Variants in CACNA2D4 observed in about 807,000 individuals in gnomAD.
CACNA2D4 encodes calcium voltage-gated channel auxiliary subunit alpha2delta 4, also known as voltage-dependent calcium channel subunit alpha-2/delta-4.
Under a neutral mutation model 163.8 loss-of-function variants are expected in CACNA2D4, and 157 were observed. That is an observed-to-expected ratio of 0.96 (90% confidence interval 0.84 to 1.09). The LOEUF is 1.09. Among genes scored for constraint, CACNA2D4 ranks in the 50% least tolerant of loss-of-function variants. The pLI, the probability that CACNA2D4 is intolerant of heterozygous loss-of-function variation, is 0.00. For synonymous variants in CACNA2D4, 598 were observed against 586.9 expected (o/e 1.02, Z -0.27); for missense variants, 1,410 against 1,479.9 (o/e 0.95, Z 0.78).
intron 25 of CACNA2D4, among the ~76,000 whole-genome samples, chr12:1,841,038 C>T (rs1357946573): frequency 6.6e-6 from 1 of 152,234 alleles, no homozygotes; most frequent in Non-Finnish European, 1.5e-5. Context: ...GGCCTCTGGC[C>T]GCCAGCACAG....
intron 23 of CACNA2D4, among the ~76,000 whole-genome samples, chr12:1,847,450 T>C (rs879465835): frequency 1.3e-5 from 2 of 152,164 alleles, no homozygotes; most frequent in Non-Finnish European, 2.9e-5. Context: ...GTCTTCCTCA[T>C]GGATAGACCT....
chr12:1,807,110 G>T (rs1197081333), intron 29 of CACNA2D4, among the ~76,000 whole-genome samples: 4 of 151,826 alleles, frequency 2.6e-5, no homozygotes, highest in Admixed American at 1.3e-4. Flanking sequence ...AAAGTGATGG[G>T]GTGTCGCTTC....
At chr12:1,897,052 C>T (rs993636772) in intron 6 of CACNA2D4, among the ~76,000 whole-genome samples, 23 of 132,446 alleles carry the variant, frequency 1.7e-4, no homozygotes, top group African/African-American at 6.6e-4. Context: ...AACACTGGGC[C>T]GGGAGCGGTG....
At chr12:1,916,209 G>C (rs1866973216) in intron 1 of CACNA2D4, among the ~76,000 whole-genome samples, 1 of 152,152 alleles carries the variant, frequency 6.6e-6, no homozygotes, top group Admixed American at 6.5e-5. Flanking sequence ...AAGGGCAGGG[G>C]GAATGAGCTG....
At chr12:1,871,793 C>T (rs1469275571) in intron 18 of CACNA2D4, among the ~76,000 whole-genome samples, 2 of 152,164 alleles carry the variant, frequency 1.3e-5, no homozygotes, top group African/African-American at 4.8e-5. Flanking sequence ...CATATTCATG[C>T]GTGGACTCCA....
At chr12:1,830,999 G>A (rs747021959) in intron 26 of CACNA2D4, 3 of 1,613,968 alleles carry the variant, frequency 1.9e-6, no homozygotes, top group Non-Finnish European at 2.5e-6. Flanking sequence ...TCTCCTGCAA[G>A]TGTGACAGCC....
intron 29 of CACNA2D4, chr12:1,809,583 A>G: frequency 1.4e-6 from 1 of 701,528 alleles, no homozygotes; most frequent in Non-Finnish European, 2.6e-6. Context: ...GGAATAATCC[A>G]TTTTGAGGCC....
At chr12:1,804,940 T>G (rs1022057196) in intron 29 of CACNA2D4, among the ~76,000 whole-genome samples, 1 of 152,248 alleles carries the variant, frequency 6.6e-6, no homozygotes, top group Non-Finnish European at 1.5e-5. Flanking sequence ...TCTTTTGAAC[T>G]TTGTCAGGGC....
rs532296960 is a variant in CACNA2D4 at position 1,848,849 on chromosome 12, C to T, written c.2247-2160G>A. Among the ~76,000 whole-genome samples, 5 of 152,192 alleles carry T rather than the reference C, an allele frequency of 3.3e-5. No homozygotes were observed. The East Asian group carries it at 9.6e-4, about 29-fold the overall frequency. ...CCTTGAACTCCTGGGCTCAAACGAT[C>T]CTCTCGCCTGAGCCTGCCATGAGGC... On this transcript the variant is annotated intron_variant, in intron 23 of 37. Transcript: ENST00000382722.
At position 1,828,021 on chromosome 12, in the gene CACNA2D4, G is replaced by A; in HGVS notation, c.2551+12718C>T. 1.3e-6 allele frequency: 1 copy of A among 764,750 alleles called. No individual in the cohort carries two copies. Among genetic ancestry groups the A allele is most frequent in the South Asian group, 2.3e-5 (1 of 43,984 alleles). The allele number at this position is 764,750 out of a possible 1,614,324, so 47.4% of individuals were successfully genotyped here. ...CACCCGGGCCCTCTCCCTAACCCCT[G>A]GGCTGGAACGGGGCTCCCGCGCCTG... On this transcript the variant is annotated intron_variant, in intron 26 of 37. Transcript: ENST00000382722. This position sits in a 1 kb window ranked among gnomAD's most constrained non-coding sequence, Gnocchi z 4.2.
intron 18 of CACNA2D4, among the ~76,000 whole-genome samples, chr12:1,868,369 C>G (rs1467049196): frequency 6.6e-6 from 1 of 151,970 alleles, no homozygotes; most frequent in Non-Finnish European, 1.5e-5. Flanking sequence ...GAAAAAAATG[C>G]TGCGTGATCT....
chr12:1,916,303 G>T (rs1866977964), intron 1 of CACNA2D4, among the ~76,000 whole-genome samples: 1 of 152,266 alleles, frequency 6.6e-6, no homozygotes, highest in Non-Finnish European at 1.5e-5. Flanking sequence ...CCATTGGGAA[G>T]GTTGTGCACT....
At chr12:1,817,840 C>G (rs1465788875) in intron 26 of CACNA2D4, among the ~76,000 whole-genome samples, 1 of 151,954 alleles carries the variant, frequency 6.6e-6, no homozygotes, top group Non-Finnish European at 1.5e-5. Context: ...GCTACAACCT[C>G]CACCTCCCAG....
chr12:1,797,948 CTGTGGACAGACGCAG>C (rs1592646311), intron 34 of CACNA2D4, among the ~76,000 whole-genome samples: 1 of 152,276 alleles, frequency 6.6e-6, no homozygotes, highest in East Asian at 1.9e-4. Flanking sequence ...CCTCCCTTCA[CTGTGGACAGACGCAG>C]TGCAGTTCCT....
At chr12:1,819,834 G>A (rs572541305) in intron 26 of CACNA2D4, among the ~76,000 whole-genome samples, 60 of 150,920 alleles carry the variant, frequency 4.0e-4, no homozygotes, top group African/African-American at 1.4e-3. Context: ...CGGTCTGCAG[G>A]CTGCTGCTGC....
chr12:1,855,278 G>C (rs1865374853), intron 22 of CACNA2D4, among the ~76,000 whole-genome samples: 1 of 152,178 alleles, frequency 6.6e-6, no homozygotes, highest in African/African-American at 2.4e-5. Context: ...CAGATTTGTT[G>C]ATGAAATGAA....
At chr12:1,818,991 C>A (rs1863987862) in intron 26 of CACNA2D4, among the ~76,000 whole-genome samples, 4 of 121,162 alleles carry the variant, frequency 3.3e-5, no homozygotes, top group South Asian at 2.8e-4. Context: ...TCAATAAATA[C>A]TAAAAAAATT....
intron 23 of CACNA2D4, among the ~76,000 whole-genome samples, chr12:1,847,062 C>A (rs74986996): frequency 0.032 from 4,834 of 152,310 alleles, 241 homozygotes; most frequent in African/African-American, 0.11. Flanking sequence ...ATGCCCAGCA[C>A]GTACCAGGCA....
At chr12:1,884,350 C>T (rs897035134) in intron 11 of CACNA2D4, 29 bp from the exon 12 acceptor site, 1 of 1,576,420 alleles carries the variant, frequency 6.3e-7, no homozygotes, top group Admixed American at 1.7e-5. Context: ...AGGCACTCAG[C>T]AGCAAAATTC....
Sources: gnomAD v4.1 joint callset for allele counts (sites outside exome capture counted in the v4.1 genomes callset) on GRCh38, gnomAD v4.1.1 for gene constraint, Gnocchi (gnomAD v3.1) non-coding constraint, MANE v1.5 for transcripts, NCBI Gene and HGNC (gene_info 2026-07-23, HGNC 2026-07-21) for gene names.